The following GRHPR variants were observed in gnomAD, a reference collection of about 807,000 sequenced individuals.
The protein encoded by GRHPR is glyoxylate reductase/hydroxypyruvate reductase.
A neutral mutation model predicts 36.8 loss-of-function variants in GRHPR; 35 were observed. That is an observed-to-expected ratio of 0.95 (90% CI 0.73 to 1.26). The LOEUF (loss-of-function observed/expected upper bound fraction) is 1.26. GRHPR is among the 50% of genes most tolerant of loss of function. GRHPR has a pLI of 0.00. For synonymous variants in GRHPR, 179 were observed against 181.0 expected, an observed-to-expected ratio of 0.99 and a Z score of 0.09; for missense variants, 380 against 435.0, an observed-to-expected ratio of 0.87 and a Z score of 1.12.
chr9:37,430,844 C>T (rs1411409364), intron 7 of GRHPR, 198 bp downstream of exon 7: 1 of 681,812 alleles, frequency 1.5e-6, no homozygotes, highest in South Asian at 1.5e-5. Flanking sequence ...TCAGAGTGGG[C>T]CTGGCCTGTC....
chr9:37,438,916 A>G (rs1253620973), downstream of GRHPR: 1 of 152,224 alleles, frequency 6.6e-6, no homozygotes. Context: ...GCGCCCCTGG[A>G]ACATGAAATT....
intron 1 of GRHPR, 29 bp from the exon 2 acceptor site, chr9:37,424,816 T>A (rs759924528): frequency 5.6e-6 from 9 of 1,610,030 alleles, no homozygotes; most frequent in Non-Finnish European, 7.6e-6. Flanking sequence ...CGGCTCCTGC[T>A]TCTCCTGAGG....
chr9:37,428,780 G>T (rs1380416598), intron 5 of GRHPR: 2 of 687,706 alleles, frequency 2.9e-6, no homozygotes, highest in Non-Finnish European at 5.3e-6. Context: ...AACTCACCAG[G>T]TGATAAAAGC....
chr9:37,423,166 C>CT (rs111508809), intron 1 of GRHPR, among the ~76,000 whole-genome samples: 6,060 of 137,024 alleles, frequency 0.044, 174 homozygotes, highest in Middle Eastern at 0.059. Context: ...ATTTACTTAT[C>CT]TTTTTTTTTT....
Position 37,431,261 on chromosome 9 carries a change from G to A in GRHPR, c.734+615G>A, listed in dbSNP as rs937592192. 8.0e-5 allele frequency: 27 copies of A among 339,058 alleles called. No homozygotes were observed. The Admixed American group carries it at 8.4e-4, about 11-fold the overall frequency. The allele number at this position is 339,058 out of a possible 1,614,324, so 21.0% of individuals were successfully genotyped here. A position where few individuals can be genotyped will look rare whatever the true frequency, so the allele number is the denominator to read the frequency against. The stretch of plus-strand genomic sequence containing the variant: ...TTGGGTGAGGTCATCCTGAGGACTC[G>A]TCCACCCCAAAGGTACCTGTAATTA... On this transcript the variant is annotated intron_variant, in intron 7 of 8. Transcript: ENST00000318158.
intron 1 of GRHPR, among the ~76,000 whole-genome samples, chr9:37,424,409 C>T (rs974801788): frequency 8.5e-5 from 13 of 152,254 alleles, no homozygotes; most frequent in African/African-American, 3.1e-4. Context: ...TTGACCTTAT[C>T]TTTCCTGGCC....
chr9:37,422,475 C>T (rs1822867199), upstream of GRHPR, among the ~76,000 whole-genome samples: 1 of 152,130 alleles, frequency 6.6e-6, no homozygotes, highest in East Asian at 1.9e-4. Context: ...GGATACTGCC[C>T]CCTCTCCCCC....
chr9:37,422,454 G>T (rs1445225469), upstream of GRHPR, among the ~76,000 whole-genome samples: 2 of 152,162 alleles, frequency 1.3e-5, no homozygotes, highest in Non-Finnish European at 2.9e-5. Flanking sequence ...GCTCCCATGA[G>T]GCCTTGGACG....
intron 7 of GRHPR, chr9:37,431,401 C>T (rs973105027): frequency 6.7e-6 from 2 of 298,462 alleles, no homozygotes; most frequent in Non-Finnish European, 6.6e-6. Context: ...TGGGTGCCTG[C>T]ATGTACCCAG....
chr9:37,422,552 T>C (rs904049229), upstream of GRHPR: 1 of 614,560 alleles, frequency 1.6e-6, no homozygotes. Context: ...CTGTGTAGGG[T>C]CACTGTTACT....
At chr9:37,428,734 C>A (rs935609701) in intron 5 of GRHPR, 162 bp downstream of exon 5, 6 of 705,890 alleles carry the variant, frequency 8.5e-6, no homozygotes, top group Non-Finnish European at 1.3e-5. Context: ...AAAACACAGG[C>A]AAATACATAA....
Position 37,436,650 on chromosome 9 carries a change from CTCCTTTCCAG to C in GRHPR, c.866-9_866del, listed in dbSNP as rs746000860. On this transcript the variant is annotated splice_acceptor_variant and splice_polypyrimidine_tract_variant and intron_variant, in intron 8 of 8. Coordinates refer to ENST00000318158, the MANE Select transcript of GRHPR (RefSeq NM_012203.2). LOFTEE classifies it high-confidence loss of function. ...TTCTTATCTCCCTCTCTCTCTCTCT[CTCCTTTCCAG>C]TGATTCTGCCCCACATTGGCAGTGC... The C allele has an allele frequency of 7.4e-6, 12 of 1,613,764 alleles. No individual in the cohort carries two copies. Among genetic ancestry groups the C allele is most frequent in the Non-Finnish European group, 9.3e-6 (11 of 1,179,886 alleles).
Position 37,429,566 on chromosome 9 carries a change from C to T in GRHPR, c.494-166C>T, listed in dbSNP as rs1823249238. The T allele has an allele frequency of 7.1e-6, 5 of 708,646 alleles. No individual in the cohort carries two copies. The Admixed American group carries it at 9.7e-5, about 14-fold the overall frequency. The allele number at this position is 708,646 out of a possible 1,614,324, so 43.9% of individuals were successfully genotyped here. A position where few individuals can be genotyped will look rare whatever the true frequency, so the allele number is the denominator to read the frequency against. On this transcript the variant is annotated intron_variant, in intron 5 of 8. Coordinates refer to ENST00000318158, the MANE Select transcript of GRHPR (RefSeq NM_012203.2). ...GTGTGGGCTGGCTGGGGGCTAGTTA[C>T]AGTGGGGCAGCCAGCCCCCCACCCG...
rs1023337923 is a variant in GRHPR at position 37,436,967 on chromosome 9, C to CTATT, written c.*186_*189dup. ...CATTTGCGCCAAAAGTATGGTAATTCTATTATTAAATAATTCTCTGAGAGA... is the reference window on the plus strand; with the variant it reads ...CATTTGCGCCAAAAGTATGGTAATTCTATTTATTATTAAATAATTCTCTGAGAGA... On this transcript the variant is annotated 3_prime_UTR_variant, in exon 9 of 9. Coordinates refer to ENST00000318158, the MANE Select transcript of GRHPR (RefSeq NM_012203.2). 1 of 623,552 alleles carries CTATT rather than the reference C, an allele frequency of 1.6e-6. No homozygotes were observed. The highest frequency in any genetic ancestry group is 1.8e-5 in the African/African-American group (1 of 54,532). 38.6% of individuals were successfully genotyped at this position (623,552 alleles called of 1,614,324 possible). A position where few individuals can be genotyped will look rare whatever the true frequency, so the allele number is the denominator to read the frequency against.
chr9:37,422,527 A>C (rs10973331), upstream of GRHPR: 24,326 of 543,146 alleles, frequency 0.045, 1,488 homozygotes, highest in East Asian at 0.24. Context: ...ACCCCCCCAC[A>C]CACACACAAG....
intron 1 of GRHPR, among the ~76,000 whole-genome samples, chr9:37,423,703 G>A (rs1822948783): frequency 6.6e-6 from 1 of 152,066 alleles, no homozygotes; most frequent in Non-Finnish European, 1.5e-5. Context: ...CTGAACTCCT[G>A]TACGAAGGGA....
intron 7 of GRHPR, 44 bp from the exon 8 acceptor site, chr9:37,431,964 C>T (rs763052343): frequency 1.3e-5 from 21 of 1,610,352 alleles, no homozygotes; most frequent in South Asian, 1.2e-4. Flanking sequence ...GTGGCCTGGG[C>T]GGAGGGATCT....
chr9:37,436,627 C>A (rs764772001), intron 8 of GRHPR, 34 bp from the exon 9 acceptor site: 2 of 1,609,304 alleles, frequency 1.2e-6, no homozygotes, highest in African/African-American at 2.7e-5. Flanking sequence ...AACCACCCTT[C>A]TTATCTCCCT....
At chr9:37,429,285 A>G in intron 5 of GRHPR, 1 of 280,040 alleles carries the variant, frequency 3.6e-6, no homozygotes, top group Non-Finnish European at 7.1e-6. Context: ...GAAAATTGTA[A>G]GTTTGGGGTG....
Sources: gnomAD v4.1 joint callset for allele counts (sites outside exome capture counted in the v4.1 genomes callset) on GRCh38, gnomAD v4.1.1 for gene constraint, MANE v1.5 for transcripts, NCBI Gene and HGNC (gene_info 2026-07-23, HGNC 2026-07-21) for gene names.